Variants in PAPSS1 observed in about 807,000 individuals in gnomAD.
PAPSS1 encodes the protein bifunctional 3'-phosphoadenosine 5'-phosphosulfate synthase 1.
Under a neutral mutation model 72.0 loss-of-function variants are expected in PAPSS1, and 50 were observed. That is an observed-to-expected ratio of 0.69 (90% CI 0.55 to 0.88). The LOEUF (loss-of-function observed/expected upper bound fraction) is 0.88. Among genes scored for constraint, PAPSS1 ranks in the 40% least tolerant of loss-of-function variants. PAPSS1 has a pLI of 0.00. For synonymous variants in PAPSS1, 261 were observed against 263.6 expected, an observed-to-expected ratio of 0.99 and a Z score of 0.09; for missense variants, 657 against 782.2, an observed-to-expected ratio of 0.84 and a Z score of 1.91.
intron 2 of PAPSS1, 70 bp from the exon 3 acceptor site, chr4:107,694,076 T>C (rs907589744): frequency 2.9e-5 from 33 of 1,134,482 alleles, no homozygotes; most frequent in African/African-American, 7.7e-5. Context: ...AATACTTTTT[T>C]TTTCCCAGAA....
rs374249525 is a variant in PAPSS1, at chr4:107,624,330, T to C, written c.1736+7301A>G. Among the ~76,000 whole-genome samples the C allele has an allele frequency of 5.9e-5, 9 of 152,338 alleles. 1 individual carries two copies. Among genetic ancestry groups the C allele is most frequent in the Admixed American group, 5.9e-4 (9 of 15,298 alleles). ...GCTAACTGCGTTTCCCACAGTCTTC[T>C]GCCAAGTACTTACCATCTTCAATTG... On this transcript the variant is annotated intron_variant, in intron 11 of 11. Transcript: ENST00000265174.
intron 3 of PAPSS1, among the ~76,000 whole-genome samples, chr4:107,692,515 A>T (rs1190860677): frequency 6.6e-6 from 1 of 152,152 alleles, no homozygotes; most frequent in Admixed American, 6.6e-5. Flanking sequence ...GGAGAAAAAG[A>T]AATGCTTTTA....
intron 11 of PAPSS1, among the ~76,000 whole-genome samples, chr4:107,616,728 G>A (rs1725831962): frequency 6.6e-6 from 1 of 152,130 alleles, no homozygotes; most frequent in Admixed American, 6.5e-5. Flanking sequence ...TTAAGAATGG[G>A]TCTTAGAAGT....
At chr4:107,622,337 C>G (rs1200956792) in intron 11 of PAPSS1, among the ~76,000 whole-genome samples, 1 of 152,208 alleles carries the variant, frequency 6.6e-6, no homozygotes, top group African/African-American at 2.4e-5. Context: ...TTCTTTCTCC[C>G]AGATACTATA....
intron 9 of PAPSS1, among the ~76,000 whole-genome samples, chr4:107,647,457 G>T (rs955370167): frequency 6.6e-6 from 1 of 152,106 alleles, no homozygotes. Context: ...TGATTTAAGT[G>T]GTCCTTACCT....
rs1182938182 is a variant in PAPSS1 at position 107,678,230 on chromosome 4, T to TAAAAAATAA, written c.669+3776_669+3784dup. On this transcript the variant is annotated intron_variant, in intron 5 of 11. Coordinates refer to ENST00000265174, the MANE Select transcript of PAPSS1 (RefSeq NM_005443.5). ...TTGCCATTTAAGTATTAGCTGAATG[T>TAAAAAATAA]AAAAAATAAAAAAAATAAGAGATGG... is the stretch of plus-strand genomic sequence containing the variant. 1.0e-4 allele frequency among the ~76,000 whole-genome samples: 4 copies of TAAAAAATAA among 39,204 alleles called. No individual in the cohort carries two copies. In the South Asian group the frequency reaches 0.013, roughly 123 times the overall value. The allele number at this position is 39,204 out of a possible 152,430, so 25.7% of individuals were successfully genotyped here. A position where few individuals can be genotyped will look rare whatever the true frequency, so the allele number is the denominator to read the frequency against.
chr4:107,675,489 A>G (rs1727616926), intron 5 of PAPSS1, among the ~76,000 whole-genome samples: 2 of 152,238 alleles, frequency 1.3e-5, no homozygotes, highest in Non-Finnish European at 2.9e-5. Context: ...AACCAGGAAG[A>G]AGTTGAATCT....
intron 9 of PAPSS1, among the ~76,000 whole-genome samples, chr4:107,645,841 G>A (rs895645476): frequency 6.6e-6 from 1 of 152,166 alleles, no homozygotes; most frequent in South Asian, 2.1e-4. Context: ...GACTCAGGGA[G>A]AGGAACAGCC....
chr4:107,639,074 C>A (rs146226369), intron 10 of PAPSS1, among the ~76,000 whole-genome samples: 225 of 152,208 alleles, frequency 1.5e-3, no homozygotes, highest in African/African-American at 5.3e-3. Context: ...TCAGGAAAAC[C>A]TGAAAAATCA....
At chr4:107,671,876 C>T (rs1019890880) in intron 5 of PAPSS1, among the ~76,000 whole-genome samples, 6 of 152,014 alleles carry the variant, frequency 3.9e-5, no homozygotes, top group Admixed American at 2.6e-4. Flanking sequence ...CCTGAATATT[C>T]TCAATCCATG....
intron 5 of PAPSS1, among the ~76,000 whole-genome samples, chr4:107,672,300 G>A (rs1422623057): frequency 6.6e-6 from 1 of 152,190 alleles, no homozygotes; most frequent in Non-Finnish European, 1.5e-5. Flanking sequence ...AAGGGGTCAG[G>A]GAATTCCCTT....
At chr4:107,677,661 T>C (rs541433875) in intron 5 of PAPSS1, among the ~76,000 whole-genome samples, 35 of 152,322 alleles carry the variant, frequency 2.3e-4, no homozygotes, top group African/African-American at 8.2e-4. Context: ...AGAAATACCA[T>C]TGGACCCAAC....
intron 9 of PAPSS1, among the ~76,000 whole-genome samples, chr4:107,652,628 A>G (rs917257689): frequency 2.0e-5 from 3 of 152,214 alleles, no homozygotes; most frequent in Non-Finnish European, 4.4e-5. Context: ...TGGCATATAA[A>G]GATCCAGAAA....
At chr4:107,684,451 T>A (rs567264397) in intron 4 of PAPSS1, among the ~76,000 whole-genome samples, 5 of 152,116 alleles carry the variant, frequency 3.3e-5, no homozygotes, top group African/African-American at 1.2e-4. Context: ...GGGGGAAAAT[T>A]TGCACCTTTA....
rs1240639542 is a variant in PAPSS1, at chr4:107,694,124, A to C, written c.176-118T>G. ...CTCTGCCACCCAGGCTGGAGTGCAG[A>C]GGCTGCATAGCTCACTGCAGCCTCA... On this transcript the variant is annotated intron_variant, in intron 2 of 11. Coordinates refer to ENST00000265174, the MANE Select transcript of PAPSS1 (RefSeq NM_005443.5). 5.8e-6 allele frequency: 4 copies of C among 691,470 alleles called. No homozygotes were observed. The Admixed American group carries it at 1.0e-4, about 18-fold the overall frequency. The allele number at this position is 691,470 out of a possible 1,614,324, so 42.8% of individuals were successfully genotyped here. A position where few individuals can be genotyped will look rare whatever the true frequency, so the allele number is the denominator to read the frequency against.
chr4:107,645,073 G>A lies in PAPSS1; in HGVS notation c.1238-3C>T. ...TAGTTGAAATGCAAAGACAGCATCT[G>A]AAAAGAGAATTTCCAGAGTTAAGAA... On this transcript the variant is annotated splice_polypyrimidine_tract_variant and splice_region_variant and intron_variant, in intron 9 of 11. Transcript: ENST00000265174. The A allele has an allele frequency of 6.7e-7, 1 of 1,495,536 alleles. No homozygotes were observed. Among genetic ancestry groups the A allele is most frequent in the Non-Finnish European group, 8.9e-7 (1 of 1,120,628 alleles). 92.6% of individuals were successfully genotyped at this position (1,495,536 alleles called of 1,614,324 possible). A position where few individuals can be genotyped will look rare whatever the true frequency, so the allele number is the denominator to read the frequency against.
chr4:107,695,244 C>A (rs1178517945), intron 2 of PAPSS1, among the ~76,000 whole-genome samples: 2 of 152,162 alleles, frequency 1.3e-5, no homozygotes, highest in Admixed American at 1.3e-4. Flanking sequence ...ATTTTACTCT[C>A]TTTGTAGCAA....
At chr4:107,672,228 T>C (rs1362516038) in intron 5 of PAPSS1, among the ~76,000 whole-genome samples, 1 of 152,098 alleles carries the variant, frequency 6.6e-6, no homozygotes, top group Non-Finnish European at 1.5e-5. Context: ...TGCAGGACAG[T>C]GGGTGCAGCG....
chr4:107,614,419 A>G (rs992645766), intron 11 of PAPSS1, 32 bp from the exon 12 acceptor site: 12 of 1,555,378 alleles, frequency 7.7e-6, no homozygotes, highest in African/African-American at 2.8e-5. Context: ...AAATTATTTC[A>G]TAATTTTAGA....
Sources: allele counts gnomAD v4.1 joint callset (sites outside exome capture counted in the v4.1 genomes callset), GRCh38; gene constraint gnomAD v4.1.1; transcripts MANE v1.5; gene names NCBI Gene and HGNC (gene_info 2026-07-23, HGNC 2026-07-21).